The following COPG2 variants were observed in gnomAD, a reference collection of about 807,000 sequenced individuals.
The protein encoded by COPG2 is coatomer subunit gamma-2.
A neutral mutation model predicts 46.3 loss-of-function variants in COPG2; 37 were observed. The observed-to-expected ratio is 0.80, with a 90% CI of 0.61 to 1.05. The LOEUF (loss-of-function observed/expected upper bound fraction) is 1.05. COPG2 is among the 50% of genes least tolerant of loss of function. The probability of loss-of-function intolerance (pLI) is 0.00; values close to 1 mark genes in which losing one functional copy is unlikely to be tolerated. For synonymous variants in COPG2, 159 were observed against 129.7 expected, an observed-to-expected ratio of 1.23 and a Z score of -1.53; for missense variants, 427 against 387.8, an observed-to-expected ratio of 1.10 and a Z score of -0.85.
At chr7:130,620,419 T>C (rs868953598) in intron 5 of COPG2, among the ~76,000 whole-genome samples, 1 of 152,226 alleles carries the variant, frequency 6.6e-6, no homozygotes, top group South Asian at 2.1e-4. Context: ...CCATACACAA[T>C]ACATACACAA....
intron 20 of COPG2, among the ~76,000 whole-genome samples, chr7:130,531,993 G>A (rs1175814130): frequency 1.3e-5 from 2 of 152,162 alleles, no homozygotes; most frequent in East Asian, 1.9e-4. Context: ...AGAGAAAACC[G>A]AGCCCAAAAG....
At position 130,611,036 on chromosome 7, in the gene COPG2, A is replaced by T; in HGVS notation, c.654T>A (p.Phe218Leu). Residue 218 changes from phenylalanine to leucine, a missense_variant, in exon 9 of 24, where the codon TTT (phenylalanine) becomes TTA (leucine). Physicochemically the swap from Phe to Leu is conservative, Grantham distance 22. Transcript: ENST00000425248. Reference sequence around the variant, plus strand: ...ACTGTGACTTGAGACCAGATTTAGTAAACTTATTCAACATCTTGGAAACAG... The same window carrying T: ...ACTGTGACTTGAGACCAGATTTAGTTAACTTATTCAACATCTTGGAAACAG... ...RLAVSKMLNKFTKSGLKSQFA... is the reference protein window; with the variant it reads ...RLAVSKMLNKLTKSGLKSQFA... 1 of 1,613,938 alleles carries T rather than the reference A, an allele frequency of 6.2e-7. No individual in the cohort carries two copies. Among genetic ancestry groups the T allele is most frequent in the Non-Finnish European group, 8.5e-7 (1 of 1,179,840 alleles).
chr7:130,570,695 CA>C (rs1174568054), intron 9 of COPG2, among the ~76,000 whole-genome samples: 29 of 151,698 alleles, frequency 1.9e-4, no homozygotes, highest in African/African-American at 7.0e-4. Flanking sequence ...CACACACACA[CA>C]AATCTTAAAA....
intron 9 of COPG2, among the ~76,000 whole-genome samples, chr7:130,569,324 A>T (rs1435846219): frequency 6.6e-6 from 1 of 152,190 alleles, no homozygotes; most frequent in Non-Finnish European, 1.5e-5. Context: ...AAGACTAACC[A>T]AGAAGAGAGA....
chr7:130,646,246 CA>C (rs782022013), intron 5 of COPG2, among the ~76,000 whole-genome samples: 14 of 152,186 alleles, frequency 9.2e-5, no homozygotes, highest in Non-Finnish European at 2.1e-4. Context: ...TGTTAATCAT[CA>C]GTTTTACAAA....
At chr7:130,600,004 A>C (rs1011766173) in intron 9 of COPG2, among the ~76,000 whole-genome samples, 1 of 152,204 alleles carries the variant, frequency 6.6e-6, no homozygotes, top group East Asian at 1.9e-4. Flanking sequence ...AGGGTTCTAA[A>C]TAGGAGGTCA....
intron 5 of COPG2, among the ~76,000 whole-genome samples, chr7:130,651,599 C>A (rs1795747333): frequency 6.7e-6 from 1 of 148,426 alleles, no homozygotes; most frequent in Non-Finnish European, 1.5e-5. Flanking sequence ...TCACTGCAAG[C>A]TCCGCTTCCC....
chr7:130,558,714 G>A (rs988713297), intron 12 of COPG2, among the ~76,000 whole-genome samples: 4 of 152,054 alleles, frequency 2.6e-5, no homozygotes, highest in African/African-American at 7.2e-5. Flanking sequence ...TAGAGACAGG[G>A]TCTCACTATG....
chr7:130,639,289 A>C (rs1554456870), intron 5 of COPG2, among the ~76,000 whole-genome samples: 1 of 152,218 alleles, frequency 6.6e-6, no homozygotes, highest in Non-Finnish European at 1.5e-5. Flanking sequence ...CTCACTGCTG[A>C]GAATTCCTCT....
intron 5 of COPG2, among the ~76,000 whole-genome samples, chr7:130,628,979 C>G (rs1449616438): frequency 6.6e-6 from 1 of 152,292 alleles, no homozygotes; most frequent in East Asian, 1.9e-4. Flanking sequence ...GCACAGGAGT[C>G]ATGCCACTGC....
chr7:130,610,404 C>A (rs1469291139), intron 9 of COPG2: 3 of 371,458 alleles, frequency 8.1e-6, no homozygotes, highest in Non-Finnish European at 1.6e-5. Context: ...CATAAGAAAT[C>A]TTTGTTTTAG....
chr7:130,574,745 A>C (rs1055751817), intron 9 of COPG2, among the ~76,000 whole-genome samples: 8 of 152,196 alleles, frequency 5.3e-5, no homozygotes, highest in Non-Finnish European at 1.2e-4. Flanking sequence ...TTAGGTATTA[A>C]GCTAATCAGA....
intron 20 of COPG2, among the ~76,000 whole-genome samples, chr7:130,526,030 G>A (rs1055556196): frequency 1.7e-3 from 253 of 152,144 alleles, no homozygotes; most frequent in Middle Eastern, 6.8e-3. Context: ...CACTGGGGCC[G>A]CACCTGAGGT....
intron 9 of COPG2, chr7:130,607,340 G>A (rs1422551737): frequency 2.6e-5 from 7 of 268,778 alleles, no homozygotes; most frequent in East Asian, 1.1e-4. Flanking sequence ...TAATTCCAAT[G>A]TCTGGATCAT....
At chr7:130,631,092 T>C (rs964012914) in intron 5 of COPG2, among the ~76,000 whole-genome samples, 10 of 152,148 alleles carry the variant, frequency 6.6e-5, no homozygotes, top group Non-Finnish European at 1.5e-4. Context: ...ATTATTGATA[T>C]GGTTGGGTTG....
intron 9 of COPG2, among the ~76,000 whole-genome samples, chr7:130,587,127 T>G (rs1794290774): frequency 6.6e-6 from 1 of 151,718 alleles, no homozygotes; most frequent in Non-Finnish European, 1.5e-5. Flanking sequence ...GCCAGCATGA[T>G]GAAACCCCGT....
At chr7:130,564,793 G>C (rs1793776440) in intron 9 of COPG2, among the ~76,000 whole-genome samples, 1 of 152,088 alleles carries the variant, frequency 6.6e-6, no homozygotes, top group Non-Finnish European at 1.5e-5. Context: ...AAGCAGCTCT[G>C]GGCCAAAATC....
In COPG2 at chr7:130,507,326, C is replaced by A. The variant is rs2116321820; in HGVS notation, c.2433G>T (p.Glu811Asp). Residue 811 changes from glutamate to aspartate, a missense_variant, in exon 23 of 24, where the codon GAG becomes GAT. Physicochemically the swap from Glu to Asp is conservative, Grantham distance 45. Coordinates refer to ENST00000425248, the MANE Select transcript of COPG2 (RefSeq NM_012133.6). ...IITFLGMQPC[E>D]RSDKVPENKN... Reference sequence around the variant, plus strand: ...TGTTCTCAGGTACTTTATCGGACCTCTCACATGGCTGCATGCCCAGAAATG... The same window carrying A: ...TGTTCTCAGGTACTTTATCGGACCTATCACATGGCTGCATGCCCAGAAATG... 1 of 780,756 alleles carries A rather than the reference C, an allele frequency of 1.3e-6. No individual in the cohort carries two copies. The highest frequency in any genetic ancestry group is 2.4e-6 in the Non-Finnish European group (1 of 417,870). The allele number at this position is 780,756 out of a possible 1,614,324, so 48.4% of individuals were successfully genotyped here. A position where few individuals can be genotyped will look rare whatever the true frequency, so the allele number is the denominator to read the frequency against.
intron 12 of COPG2, 135 bp downstream of exon 12, chr7:130,560,898 T>C (rs1793708267): frequency 2.5e-6 from 1 of 395,674 alleles, no homozygotes; most frequent in Admixed American, 4.4e-5. Context: ...GGAACAGTAA[T>C]AACTATGAAA....
Sources: gnomAD v4.1 joint callset for allele counts (sites outside exome capture counted in the v4.1 genomes callset) on GRCh38, gnomAD v4.1.1 for gene constraint, MANE v1.5 for transcripts, NCBI Gene and HGNC (gene_info 2026-07-23, HGNC 2026-07-21) for gene names.